TG: variants seen among roughly 807,000 people sequenced by gnomAD.
TG encodes the protein thyroglobulin.
TG carries 270 observed loss-of-function variants against 324.7 expected under a neutral mutation model. The observed-to-expected ratio is 0.83, with a 90% CI of 0.75 to 0.92. The LOEUF (loss-of-function observed/expected upper bound fraction) is 0.92, where lower values mean the gene tolerates loss of function less well. Among genes scored for constraint, TG ranks in the 40% least tolerant of loss-of-function variants. The probability of loss-of-function intolerance (pLI) is 0.00; values close to 1 mark genes in which losing one functional copy is unlikely to be tolerated. For missense variants in TG, 3,591 were observed against 3,456.4 expected, an observed-to-expected ratio of 1.04 and a Z score of -0.98; for synonymous variants, 1,401 against 1,327.0, an observed-to-expected ratio of 1.06 and a Z score of -1.21.
intron 16 of TG, 41 bp downstream of exon 16, chr8:132,901,594 T>A: frequency 6.3e-7 from 1 of 1,591,368 alleles, no homozygotes; most frequent in Non-Finnish European, 8.6e-7. Flanking sequence ...GGCCTGCATA[T>A]CTGTTCTTTG....
chr8:132,933,220 AGGTG>A (rs1822987868), intron 23 of TG, among the ~76,000 whole-genome samples: 1 of 25,616 alleles, frequency 3.9e-5, no homozygotes. Context: ...GTGTATTTGG[AGGTG>A]TGTGTATTTG....
Position 133,113,560 on chromosome 8 carries a change from G to T in TG, c.7711G>T (p.Asp2571Tyr). Residue 2571 changes from aspartate to tyrosine, a missense_variant, in exon 44 of 48, where the codon GAT becomes TAT. Physicochemically the swap from Asp to Tyr is radical, Grantham distance 160. Coordinates refer to ENST00000220616, the MANE Select transcript of TG (RefSeq NM_003235.5). ...TWYYSLEHST[D>Y]DYASFSRALE... ...GTATTACTCTCTGGAGCACTCCACGGATGACTATGCCTCCTTCTCCCGGGC... is the reference window on the plus strand; with the variant it reads ...GTATTACTCTCTGGAGCACTCCACGTATGACTATGCCTCCTTCTCCCGGGC... 6.2e-7 allele frequency: 1 copy of T among 1,614,132 alleles called. No individual in the cohort carries two copies. Among genetic ancestry groups the T allele is most frequent in the Non-Finnish European group, 8.5e-7 (1 of 1,180,016 alleles).
At chr8:133,043,240 T>C (rs2702996) in intron 41 of TG, among the ~76,000 whole-genome samples, 113,085 of 151,982 alleles carry the variant, frequency 0.74, 42,993 homozygotes, top group African/African-American at 0.9. Context: ...TTCGGTATTT[T>C]TGGCCTGGTA....
chr8:133,076,490 A>G (rs1017471364), intron 41 of TG, among the ~76,000 whole-genome samples: 2 of 152,244 alleles, frequency 1.3e-5, no homozygotes, highest in African/African-American at 4.8e-5. Flanking sequence ...GTACAAAGGA[A>G]CTATTGCAAA....
intron 26 of TG, among the ~76,000 whole-genome samples, chr8:132,944,142 A>G (rs1366464223): frequency 6.6e-6 from 1 of 152,236 alleles, no homozygotes; most frequent in Admixed American, 6.5e-5. Flanking sequence ...ACCTGGGATC[A>G]TGCTGAATGC....
Position 133,119,981 on chromosome 8 carries a change from A to T in TG, c.7862+3265A>T, listed in dbSNP as rs191700870. Among the ~76,000 whole-genome samples the T allele has an allele frequency of 3.1e-3, 476 of 152,358 alleles. 3 individuals are homozygous for T. The highest frequency in any genetic ancestry group is 3.2e-3 in the Non-Finnish European group (220 of 68,038). ...GAGAGAAGGAATGATGACAAGAGCC[A>T]TGTGGTTTGGGTGGAGATGAAGGTG... On this transcript the variant is annotated intron_variant, in intron 45 of 47. Transcript: ENST00000220616.
intron 39 of TG, among the ~76,000 whole-genome samples, chr8:133,021,705 C>A (rs2130938738): frequency 6.6e-6 from 1 of 152,318 alleles, no homozygotes; most frequent in South Asian, 2.1e-4. Flanking sequence ...CCCTCTGTAC[C>A]TGTGTCCTGA....
chr8:132,947,854 A>G (rs1825544831), intron 26 of TG, among the ~76,000 whole-genome samples: 1 of 152,262 alleles, frequency 6.6e-6, no homozygotes, highest in Admixed American at 6.5e-5. Flanking sequence ...GCTGGCACAT[A>G]GCAGATATAA....
In TG at chr8:132,881,934, G is replaced by C; in HGVS notation, c.710G>C (p.Cys237Ser). 7 of 1,614,150 alleles carry C rather than the reference G, an allele frequency of 4.3e-6. No individual in the cohort carries two copies. The highest frequency in any genetic ancestry group is 5.1e-6 in the Non-Finnish European group (6 of 1,179,970). ...CCTGAGGTATCTGGGTATTGCCACT[G>C]TGCTGACAGCCAAGGGCGGGAACTG... is the stretch of plus-strand genomic sequence containing the variant. Reference protein sequence around the residue: ...RFPEVSGYCHCADSQGRELAE... With the variant: ...RFPEVSGYCHSADSQGRELAE... Residue 237 changes from cysteine to serine, a missense_variant, in exon 6 of 48, where the codon TGT (cysteine) becomes TCT (serine). Cys to Ser is a moderately radical substitution (Grantham distance 112). Coordinates refer to ENST00000220616, the MANE Select transcript of TG (RefSeq NM_003235.5).
At chr8:133,037,433 T>C (rs1587825467) in intron 41 of TG, 1 of 152,180 alleles carries the variant, frequency 6.6e-6, no homozygotes, top group South Asian at 2.1e-4. Context: ...ATTTCTTTTC[T>C]AAAAAATCCA....
At chr8:133,091,362 G>C (rs527630507) in intron 41 of TG, among the ~76,000 whole-genome samples, 2 of 152,196 alleles carry the variant, frequency 1.3e-5, no homozygotes, top group African/African-American at 2.4e-5. Flanking sequence ...GAAGTGCAAG[G>C]CGTGCCAGGA....
chr8:132,869,718 C>T lies in TG; in HGVS notation c.177-11C>T, dbSNP rs1303462627. On this transcript the variant is annotated splice_polypyrimidine_tract_variant and intron_variant, in intron 2 of 47. Coordinates refer to ENST00000220616, the MANE Select transcript of TG (RefSeq NM_003235.5). Reference sequence around the variant, plus strand: ...CATCCCAGGGTCACCTGGTCTGTGTCTCCTCCTCAGGACTGTCCAGTGCCA... The same window carrying T: ...CATCCCAGGGTCACCTGGTCTGTGTTTCCTCCTCAGGACTGTCCAGTGCCA... The T allele has an allele frequency of 9.9e-6, 16 of 1,613,662 alleles. No homozygotes were observed. Among genetic ancestry groups the T allele is most frequent in the Non-Finnish European group, 1.4e-5 (16 of 1,179,666 alleles).
At chr8:133,114,084 A>C (rs1377794112) in intron 44 of TG, among the ~76,000 whole-genome samples, 1 of 152,134 alleles carries the variant, frequency 6.6e-6, no homozygotes, top group Non-Finnish European at 1.5e-5. Context: ...AGCATTTTCC[A>C]AAGCTCCCTC....
intron 32 of TG, 86 bp downstream of exon 32, chr8:132,969,655 G>A: frequency 5.6e-6 from 6 of 1,062,258 alleles, no homozygotes; most frequent in Non-Finnish European, 8.8e-6. Context: ...AAAAACAGAA[G>A]CATACCCAGC....
At chr8:132,868,017 T>A in intron 1 of TG, 98 bp from the exon 2 acceptor site, 1 of 1,084,926 alleles carries the variant, frequency 9.2e-7, no homozygotes, top group Admixed American at 1.8e-5. Flanking sequence ...TAGGTAATGA[T>A]GATGACCCTG....
At chr8:132,945,424 T>A (rs748437728) in intron 26 of TG, among the ~76,000 whole-genome samples, 1 of 152,136 alleles carries the variant, frequency 6.6e-6, no homozygotes, top group Non-Finnish European at 1.5e-5. Flanking sequence ...GATGTCCAAT[T>A]TGGCGATGGG....
chr8:132,989,632 G>A lies in TG; in HGVS notation c.6262+6220G>A, dbSNP rs543101287. ...GGAAACAGCAGTGGCTGCCCCAACA[G>A]CTTTTGAACCACACAATGAAAAGGA... On this transcript the variant is annotated intron_variant, in intron 35 of 47. Coordinates refer to ENST00000220616, the MANE Select transcript of TG (RefSeq NM_003235.5). Among the ~76,000 whole-genome samples, 171 of 152,318 alleles carry A rather than the reference G, an allele frequency of 1.1e-3. 1 individual carries two copies. The highest frequency in any genetic ancestry group is 3.1e-3 in the Admixed American group (48 of 15,310).
intron 1 of TG, 128 bp downstream of exon 1, chr8:132,867,195 C>CTTT (rs111987777): frequency 1.5e-6 from 1 of 645,558 alleles, no homozygotes; most frequent in Non-Finnish European, 2.5e-6. Context: ...CAGTGATTTG[C>CTTT]TTTTTTTTTT....
chr8:133,127,787 A>C (rs925710427), intron 45 of TG, among the ~76,000 whole-genome samples: 1 of 152,116 alleles, frequency 6.6e-6, no homozygotes, highest in African/African-American at 2.4e-5. Context: ...TGCCAGCTGC[A>C]CCAGCCCCCA....
Sources: allele counts gnomAD v4.1 joint callset (sites outside exome capture counted in the v4.1 genomes callset), GRCh38; gene constraint gnomAD v4.1.1; transcripts MANE v1.5; gene names NCBI Gene and HGNC (gene_info 2026-07-23, HGNC 2026-07-21).